Variants in RUNX1T1 observed in about 807,000 individuals in gnomAD.
RUNX1T1 encodes protein CBFA2T1.
RUNX1T1 carries 4 observed loss-of-function variants against 62.8 expected under a neutral mutation model. The ratio of observed to expected loss-of-function variants is 0.06; its 90% CI spans 0.03 to 0.15. RUNX1T1 has a LOEUF of 0.15. RUNX1T1 is among the 10% of genes least tolerant of loss of function. RUNX1T1 has a pLI of 1.00. For missense variants in RUNX1T1, 508 were observed against 754.3 expected (o/e 0.67, Z 3.82); for synonymous variants, 291 against 286.0 (o/e 1.02, Z -0.18).
intron 10 of RUNX1T1, 126 bp downstream of exon 11, chr8:91,970,527 CCTTGA>C: frequency 1.3e-6 from 1 of 760,862 alleles, no homozygotes; most frequent in South Asian, 3.3e-5. Flanking sequence ...TTCATGAATA[CCTTGA>C]CTTTCCCCAC....
intron 1 of RUNX1T1, among the ~76,000 whole-genome samples, chr8:92,024,704 ACT>A (rs1001555533): frequency 2.0e-5 from 3 of 151,584 alleles, no homozygotes; most frequent in Non-Finnish European, 4.4e-5. Flanking sequence ...TGAGTCTAAT[ACT>A]CTCTTTCTCT....
exon 11 of RUNX1T1, chr8:91,960,184 G>A: frequency 6.5e-7 from 1 of 1,535,898 alleles, no homozygotes; most frequent in South Asian, 1.2e-5. Context: ...ATCTGAGGAT[G>A]AGGAATTGGT....
upstream of RUNX1T1, among the ~76,000 whole-genome samples, chr8:92,067,237 G>A (rs969620033): frequency 2.6e-5 from 4 of 152,094 alleles, no homozygotes; most frequent in Admixed American, 6.5e-5. Context: ...TTACAGACGC[G>A]GAAAAGCTTT....
intron 1 of RUNX1T1, among the ~76,000 whole-genome samples, chr8:92,048,145 A>C (rs1021539573): frequency 6.6e-6 from 1 of 152,230 alleles, no homozygotes; most frequent in Non-Finnish European, 1.5e-5. Flanking sequence ...TAAACAATTA[A>C]CTTTAAATGT....
chr8:92,043,553 T>C (rs1452157270), intron 1 of RUNX1T1, among the ~76,000 whole-genome samples: 1 of 152,120 alleles, frequency 6.6e-6, no homozygotes, highest in Admixed American at 6.5e-5. Flanking sequence ...TATGATTATT[T>C]TATATCTTTT....
chr8:92,000,448 A>T (rs947048364), intron 5 of RUNX1T1, among the ~76,000 whole-genome samples: 1 of 152,208 alleles, frequency 6.6e-6, no homozygotes, highest in African/African-American at 2.4e-5. Flanking sequence ...GAATAAATAA[A>T]TGTGTCATAA....
At chr8:91,988,136 CTTT>C (rs899489094) in intron 6 of RUNX1T1, among the ~76,000 whole-genome samples, 1 of 152,090 alleles carries the variant, frequency 6.6e-6, no homozygotes, top group Non-Finnish European at 1.5e-5. Context: ...TTATAAATCC[CTTT>C]TTTTAGCTGA....
At chr8:91,988,861 G>T (rs986895459) in intron 6 of RUNX1T1, among the ~76,000 whole-genome samples, 1 of 151,990 alleles carries the variant, frequency 6.6e-6, no homozygotes, top group Non-Finnish European at 1.5e-5. Flanking sequence ...TTCATTTGCC[G>T]CTTTTGAACT....
intron 9 of RUNX1T1, among the ~76,000 whole-genome samples, 160 bp downstream of exon 10, chr8:91,975,745 T>C (rs1488522519): frequency 6.6e-6 from 1 of 152,198 alleles, no homozygotes. Flanking sequence ...TTTAAGAATA[T>C]TAATCAGGTG....
At chr8:91,973,867 T>C (rs1375471887) in intron 9 of RUNX1T1, among the ~76,000 whole-genome samples, 5 of 152,082 alleles carry the variant, frequency 3.3e-5, no homozygotes, top group Non-Finnish European at 7.4e-5. Context: ...TTAGCATATA[T>C]CCATAGAAAA....
intron 10 of RUNX1T1, among the ~76,000 whole-genome samples, chr8:91,963,149 G>C (rs996407490): frequency 5.9e-5 from 9 of 152,208 alleles, no homozygotes; most frequent in Non-Finnish European, 1.2e-4. Flanking sequence ...TTTGGATCGT[G>C]AAGCTGCTGG....
In RUNX1T1 at chr8:92,034,801, C is replaced by CATATATAT. The variant is rs1554630750; in HGVS notation, c.8-17439_8-17438insATATATAT. 3.3e-3 allele frequency among the ~76,000 whole-genome samples: 379 copies of CATATATAT among 113,612 alleles called. 9 individuals carry two copies. Among genetic ancestry groups the CATATATAT allele is most frequent in the African/African-American group, 0.012 (354 of 29,344 alleles). The allele number at this position is 113,612 out of a possible 152,430, so 74.5% of individuals were successfully genotyped here. ...ACACATATATATATACATATATACA[C>CATATATAT]ACACACACACACACACACACACACA... is the stretch of plus-strand genomic sequence containing the variant. On this transcript the variant is annotated intron_variant, in intron 1 of 10. Coordinates refer to ENST00000396218, the Ensembl canonical transcript of RUNX1T1.
At chr8:92,034,839 A>C (rs1827102908) in intron 1 of RUNX1T1, among the ~76,000 whole-genome samples, 1 of 102,076 alleles carries the variant, frequency 9.8e-6, no homozygotes, top group African/African-American at 4.2e-5. Flanking sequence ...CACACACACC[A>C]TGGAATACCA....
exon 11 of RUNX1T1, chr8:91,959,584 T>C (rs1430061095): frequency 4.6e-6 from 1 of 216,514 alleles, no homozygotes; most frequent in African/African-American, 2.3e-5. Flanking sequence ...CAAATCATCT[T>C]TCATTTTTCA....
intron 3 of RUNX1T1, among the ~76,000 whole-genome samples, chr8:92,012,076 CCT>C (rs1822055564): frequency 6.6e-6 from 1 of 152,164 alleles, no homozygotes; most frequent in Non-Finnish European, 1.5e-5. Flanking sequence ...GTGCATGTTT[CCT>C]TTTATAACAA....
chr8:92,004,835 G>A (rs1820433162), intron 5 of RUNX1T1: 1 of 299,016 alleles, frequency 3.3e-6, no homozygotes, highest in African/African-American at 2.2e-5. Flanking sequence ...AGCCATCAGT[G>A]GTACTTGGCA....
intron 5 of RUNX1T1, among the ~76,000 whole-genome samples, chr8:91,999,504 C>T (rs1297087553): frequency 6.6e-6 from 1 of 152,148 alleles, no homozygotes; most frequent in Admixed American, 6.5e-5. Flanking sequence ...ATTTTGTTTT[C>T]AAGCAGGGGC....
chr8:92,026,916 G>C (rs1825291089), intron 1 of RUNX1T1, among the ~76,000 whole-genome samples: 1 of 150,846 alleles, frequency 6.6e-6, no homozygotes, highest in African/African-American at 2.4e-5. Flanking sequence ...AGGAGATCGA[G>C]ACCATCCTGG....
chr8:92,080,290 C>A (rs1835045400), intron 1 of RUNX1T1, among the ~76,000 whole-genome samples: 1 of 152,206 alleles, frequency 6.6e-6, no homozygotes, highest in South Asian at 2.1e-4. Context: ...ACTTCTGTGA[C>A]CTGTGATCTT....
Sources: gnomAD v4.1 joint callset for allele counts (sites outside exome capture counted in the v4.1 genomes callset) on GRCh38, gnomAD v4.1.1 for gene constraint, MANE v1.5 for transcripts, NCBI Gene and HGNC (gene_info 2026-07-23, HGNC 2026-07-21) for gene names.